The following GRM1 variants were observed in gnomAD, a reference collection of about 807,000 sequenced individuals.
GRM1 encodes the protein metabotropic glutamate receptor 1.
GRM1 carries 33 observed loss-of-function variants against 90.9 expected under a neutral mutation model. The observed-to-expected ratio is 0.36, with a 90% CI of 0.28 to 0.49. The LOEUF (loss-of-function observed/expected upper bound fraction) is 0.49. GRM1 is among the 20% of genes least tolerant of loss of function. GRM1 has a pLI of 0.99. For synonymous variants in GRM1, 700 were observed against 613.2 expected, an observed-to-expected ratio of 1.14 and a Z score of -2.09; for missense variants, 1,190 against 1,534.3, an observed-to-expected ratio of 0.78 and a Z score of 3.75.
chr6:146,310,151 T>C (rs531689578), intron 3 of GRM1, among the ~76,000 whole-genome samples: 1 of 152,364 alleles, frequency 6.6e-6, no homozygotes, highest in South Asian at 2.1e-4. Context: ...ATAGCTAGTC[T>C]AGTGAAAACA....
intron 2 of GRM1, among the ~76,000 whole-genome samples, chr6:146,219,792 TTTCTTTGGGG>T (rs1244143320): frequency 6.6e-6 from 1 of 152,162 alleles, no homozygotes; most frequent in Non-Finnish European, 1.5e-5. Context: ...GGACAGGGGC[TTTCTTTGGGG>T]AAGAATAAAG....
intron 1 of GRM1, among the ~76,000 whole-genome samples, chr6:146,137,755 A>G (rs912757273): frequency 1.3e-5 from 2 of 152,162 alleles, no homozygotes; most frequent in Non-Finnish European, 2.9e-5. Flanking sequence ...GTATATGAAC[A>G]TTTTAACAAC....
chr6:146,077,086 A>G (rs1776212342), intron 1 of GRM1, among the ~76,000 whole-genome samples: 1 of 152,184 alleles, frequency 6.6e-6, no homozygotes, highest in African/African-American at 2.4e-5. Flanking sequence ...GAAAAATAAT[A>G]ATTTACTTTT....
intron 1 of GRM1, among the ~76,000 whole-genome samples, chr6:146,113,211 C>G (rs572858988): frequency 2.0e-5 from 3 of 152,102 alleles, no homozygotes; most frequent in South Asian, 2.1e-4. Flanking sequence ...GGCATGTCCT[C>G]GTGTTTCCTC....
rs1159102023 is a variant in GRM1, at chr6:146,030,165, T to C, written c.648T>C (p.Leu216=). 3.0e-5 allele frequency: 49 copies of C among 1,613,974 alleles called. No homozygotes were observed. Among genetic ancestry groups the C allele is most frequent in the Non-Finnish European group, 4.1e-5 (48 of 1,179,958 alleles). ...PSDTLQARAM[L]DIVKRYNWTY... ...ACACTTTGCAGGCAAGGGCCATGCT[T>C]GACATAGTCAAACGTTACAATTGGA... The change falls in exon 1 of 8, where the codon CTT becomes CTC. Residue 216 remains leucine (L), a synonymous_variant. Transcript: ENST00000282753.
intron 1 of GRM1, among the ~76,000 whole-genome samples, chr6:146,087,214 GC>G (rs1378842861): frequency 3.3e-5 from 5 of 151,992 alleles, no homozygotes; most frequent in Non-Finnish European, 5.9e-5. Context: ...TCATCCCTAA[GC>G]CTCTCCTGTG....
At chr6:146,139,644 C>T (rs1401723506) in intron 1 of GRM1, among the ~76,000 whole-genome samples, 1 of 151,952 alleles carries the variant, frequency 6.6e-6, no homozygotes, top group African/African-American at 2.4e-5. Context: ...TTATGTCTTC[C>T]ATTTGCATGG....
intron 5 of GRM1, among the ~76,000 whole-genome samples, chr6:146,374,828 T>C (rs1776034035): frequency 6.6e-6 from 1 of 152,054 alleles, no homozygotes; most frequent in African/African-American, 2.4e-5. Flanking sequence ...TTTGTTTCAT[T>C]GATGTTTCAT....
intron 4 of GRM1, among the ~76,000 whole-genome samples, chr6:146,353,523 A>G (rs1178925365): frequency 6.6e-6 from 1 of 152,236 alleles, no homozygotes; most frequent in Non-Finnish European, 1.5e-5. Context: ...CCTAATGTCC[A>G]CAGATTGCAA....
In GRM1 at chr6:146,302,047, AC is replaced by A. The variant is rs201129577; in HGVS notation, c.951-2559del. 9.1e-3 allele frequency among the ~76,000 whole-genome samples: 1,387 copies of A among 151,660 alleles called. 11 individuals are homozygous for A. Among genetic ancestry groups the A allele is most frequent in the African/African-American group, 0.032 (1,334 of 41,362 alleles). On this transcript the variant is annotated intron_variant, in intron 2 of 7. Transcript: ENST00000282753. ...TGTCTAGGCTGGGATTTATGCACCC[AC>A]CCCCATCGCATGCCATACTTCTTTC...
chr6:146,096,028 A>C (rs1194229791), intron 1 of GRM1, among the ~76,000 whole-genome samples: 1 of 152,136 alleles, frequency 6.6e-6, no homozygotes, highest in African/African-American at 2.4e-5. Flanking sequence ...AACTCAGCTA[A>C]GGGTACTTTA....
intron 2 of GRM1, among the ~76,000 whole-genome samples, chr6:146,200,244 G>A (rs1779257264): frequency 6.6e-6 from 1 of 152,120 alleles, no homozygotes; most frequent in African/African-American, 2.4e-5. Flanking sequence ...ACTGCAGGAG[G>A]TACTAGTCTC....
At chr6:146,324,128 G>A (rs553750974) in intron 3 of GRM1, among the ~76,000 whole-genome samples, 2 of 152,330 alleles carry the variant, frequency 1.3e-5, no homozygotes, top group South Asian at 4.1e-4. Context: ...TCTGGCTACA[G>A]CGGCTTTGCG....
rs541291841 is a variant in GRM1 at position 146,325,133 on chromosome 6, A to T, written c.1186+20287A>T. Among the ~76,000 whole-genome samples the T allele has an allele frequency of 3.3e-5, 5 of 152,190 alleles. No homozygotes were observed. In the East Asian group the frequency reaches 9.6e-4, roughly 29 times the overall value. ...TCTAATCAAAGTAAGATTAAGCAAT[A>T]ATCAGGCATTACTGTCCTGAGTTTC... is the stretch of plus-strand genomic sequence containing the variant. On this transcript the variant is annotated intron_variant, in intron 3 of 7. Coordinates refer to ENST00000282753, the MANE Select transcript of GRM1 (RefSeq NM_001278064.2).
At position 146,423,229 on chromosome 6, in the gene GRM1, G is replaced by A. The variant is rs140693272; in HGVS notation, c.2661-10643G>A. On this transcript the variant is annotated intron_variant, in intron 7 of 7. Transcript: ENST00000282753. ...TGGCTTGCTGAATCTGTGGTTGGTTGAATATGTGGTTTTACAATTGCTAAA... is the reference window on the plus strand; with the variant it reads ...TGGCTTGCTGAATCTGTGGTTGGTTAAATATGTGGTTTTACAATTGCTAAA... Among the ~76,000 whole-genome samples, 990 of 152,298 alleles carry A rather than the reference G, an allele frequency of 6.5e-3. 48 individuals are homozygous for A. Among genetic ancestry groups the A allele is most frequent in the Admixed American group, 0.059 (904 of 15,282 alleles).
At chr6:146,127,153 T>C (rs1409196019) in intron 1 of GRM1, among the ~76,000 whole-genome samples, 1 of 152,178 alleles carries the variant, frequency 6.6e-6, no homozygotes, top group Non-Finnish European at 1.5e-5. Flanking sequence ...AAAAGCATAG[T>C]TACATTTTAC....
intron 1 of GRM1, among the ~76,000 whole-genome samples, chr6:146,144,777 T>A (rs549829774): frequency 6.6e-6 from 1 of 152,274 alleles, no homozygotes; most frequent in East Asian, 1.9e-4. Context: ...TAAGAGTGAT[T>A]CTGATGAGGG....
At chr6:146,088,358 G>A (rs2128866447) in intron 1 of GRM1, among the ~76,000 whole-genome samples, 1 of 152,186 alleles carries the variant, frequency 6.6e-6, no homozygotes, top group Middle Eastern at 3.4e-3. Context: ...TGCCAGGTAT[G>A]TGGTCATGTG....
intron 2 of GRM1, among the ~76,000 whole-genome samples, chr6:146,172,699 G>A (rs1043342061): frequency 1.3e-5 from 2 of 152,132 alleles, no homozygotes; most frequent in Non-Finnish European, 2.9e-5. Flanking sequence ...TGTGGGGTTG[G>A]GATGAGGGCA....
Sources: allele counts gnomAD v4.1 joint callset (sites outside exome capture counted in the v4.1 genomes callset), GRCh38; gene constraint gnomAD v4.1.1; transcripts MANE v1.5; gene names NCBI Gene and HGNC (gene_info 2026-07-23, HGNC 2026-07-21).